MDGA2: variants seen among roughly 807,000 people sequenced by gnomAD.
MDGA2 encodes the protein MAM domain-containing glycosylphosphatidylinositol anchor protein 2.
A neutral mutation model predicts 117.8 loss-of-function variants in MDGA2; 40 were observed. The observed-to-expected ratio is 0.34, with a 90% CI of 0.26 to 0.44. The LOEUF is 0.44. Ranked by LOEUF, MDGA2 falls within the 20% of genes least tolerant of loss-of-function variation. MDGA2 has a pLI of 1.00. For synonymous variants in MDGA2, 452 were observed against 439.0 expected, an observed-to-expected ratio of 1.03 and a Z score of -0.37; for missense variants, 1,123 against 1,250.6, an observed-to-expected ratio of 0.90 and a Z score of 1.54.
At chr14:46,931,380 C>G (rs1228024857) in intron 9 of MDGA2, among the ~76,000 whole-genome samples, 1 of 151,862 alleles carries the variant, frequency 6.6e-6, no homozygotes, top group African/African-American at 2.4e-5. Context: ...TTAATATTAT[C>G]AGGGAAAATA....
At position 47,601,966 on chromosome 14, in the gene MDGA2, G is replaced by A. The variant is rs564347900; in HGVS notation, c.280+72551C>T. On this transcript the variant is annotated intron_variant, in intron 1 of 16. Coordinates refer to ENST00000399232, the MANE Select transcript of MDGA2 (RefSeq NM_001113498.3). ...GATTTAGGCTTATTTTCCTGGAGTC[G>A]CTATGCACTGTTTTATGTATGGCTA... Among the ~76,000 whole-genome samples the A allele has an allele frequency of 5.9e-5, 9 of 152,144 alleles. No individual in the cohort carries two copies. In the South Asian group the frequency reaches 1.7e-3, roughly 28 times the overall value.
At chr14:47,388,133 G>GT (rs56398877) in intron 1 of MDGA2, among the ~76,000 whole-genome samples, 149,436 of 152,250 alleles carry the variant, frequency 0.98, 73,396 homozygotes, top group East Asian at 1. Flanking sequence ...TGTCTTTATT[G>GT]TTTTGATTAT....
At chr14:46,989,707 T>C (rs1887009259) in intron 8 of MDGA2, among the ~76,000 whole-genome samples, 1 of 152,088 alleles carries the variant, frequency 6.6e-6, no homozygotes. Flanking sequence ...TTGAACTATA[T>C]ACAGGCACTT....
At chr14:47,205,787 T>G (rs1161418468) in intron 3 of MDGA2, among the ~76,000 whole-genome samples, 1 of 152,008 alleles carries the variant, frequency 6.6e-6, no homozygotes, top group Non-Finnish European at 1.5e-5. Flanking sequence ...GCTTAGCATT[T>G]CAGCTACTAC....
intron 1 of MDGA2, among the ~76,000 whole-genome samples, chr14:47,524,787 T>C (rs534857390): frequency 1.3e-5 from 2 of 152,320 alleles, no homozygotes; most frequent in South Asian, 4.1e-4. Flanking sequence ...GTAGCTCCAA[T>C]GCCTGTGAGG....
intron 2 of MDGA2, among the ~76,000 whole-genome samples, chr14:47,272,769 A>AT (rs1311628692): frequency 3.3e-5 from 5 of 152,196 alleles, no homozygotes; most frequent in Non-Finnish European, 5.9e-5. Flanking sequence ...TTTTCATCAC[A>AT]CCAGTGTGTT....
Position 47,318,389 on chromosome 14 carries a change from G to A in MDGA2, c.281-16839C>T, listed in dbSNP as rs200492966. Among the ~76,000 whole-genome samples the A allele has an allele frequency of 3.9e-5, 6 of 152,016 alleles. No homozygotes were observed. The East Asian group carries it at 1.2e-3, about 29-fold the overall frequency. Reference sequence around the variant, plus strand: ...CATGCATGTTGTTCTCCCTAGTTTCGAAGTCCTTTCCACTAATCTAATTGC... The same window carrying A: ...CATGCATGTTGTTCTCCCTAGTTTCAAAGTCCTTTCCACTAATCTAATTGC... On this transcript the variant is annotated intron_variant, in intron 1 of 16. Transcript: ENST00000399232.
intron 14 of MDGA2, among the ~76,000 whole-genome samples, chr14:46,863,622 A>G (rs1298856563): frequency 6.6e-6 from 1 of 152,202 alleles, no homozygotes; most frequent in East Asian, 1.9e-4. Context: ...ATTGTCTATT[A>G]ATTATACTGA....
At chr14:47,639,485 AC>A (rs1232201364) in intron 1 of MDGA2, among the ~76,000 whole-genome samples, 1 of 152,102 alleles carries the variant, frequency 6.6e-6, no homozygotes, top group African/African-American at 2.4e-5. Flanking sequence ...CCTTGCTTTT[AC>A]AGTTACTCAT....
At chr14:47,416,317 G>A (rs537593522) in intron 1 of MDGA2, among the ~76,000 whole-genome samples, 2 of 152,242 alleles carry the variant, frequency 1.3e-5, no homozygotes, top group East Asian at 3.9e-4. Flanking sequence ...TAGGAAAGAT[G>A]TAAGGGATTA....
At chr14:46,867,953 G>T (rs1595007221) in intron 14 of MDGA2, among the ~76,000 whole-genome samples, 1 of 151,234 alleles carries the variant, frequency 6.6e-6, no homozygotes, top group Middle Eastern at 3.6e-3. Flanking sequence ...AATCTATAAT[G>T]TCTTAATGAA....
At chr14:46,878,975 T>G (rs1213812705) in intron 11 of MDGA2, among the ~76,000 whole-genome samples, 1 of 152,070 alleles carries the variant, frequency 6.6e-6, no homozygotes, top group Non-Finnish European at 1.5e-5. Flanking sequence ...TGCACAAACT[T>G]CTAAATAGTT....
chr14:47,596,351 A>G (rs766021009), intron 1 of MDGA2, among the ~76,000 whole-genome samples: 2 of 152,224 alleles, frequency 1.3e-5, no homozygotes, highest in Non-Finnish European at 2.9e-5. Flanking sequence ...ACCTGAAAAC[A>G]GATAAAGATT....
chr14:47,236,561 C>T (rs1886872290), intron 2 of MDGA2, among the ~76,000 whole-genome samples: 1 of 152,094 alleles, frequency 6.6e-6, no homozygotes, highest in Non-Finnish European at 1.5e-5. Context: ...CCTGATTTTG[C>T]TAGTGATGTC....
chr14:47,519,847 G>C (rs1228835215), intron 1 of MDGA2, among the ~76,000 whole-genome samples: 1 of 152,114 alleles, frequency 6.6e-6, no homozygotes, highest in Non-Finnish European at 1.5e-5. Context: ...GATAAACCAA[G>C]AGTCCAAAGA....
chr14:47,012,158 T>C (rs990133627), intron 8 of MDGA2, among the ~76,000 whole-genome samples: 1 of 152,130 alleles, frequency 6.6e-6, no homozygotes, highest in South Asian at 2.1e-4. Flanking sequence ...AATCAAAGAT[T>C]GGTATAAAGG....
At chr14:47,331,447 G>C (rs1242142850) in intron 1 of MDGA2, among the ~76,000 whole-genome samples, 1 of 151,900 alleles carries the variant, frequency 6.6e-6, no homozygotes, top group Non-Finnish European at 1.5e-5. Flanking sequence ...GTAGAAACTA[G>C]TATTTTAATC....
chr14:46,850,667 AAG>A (rs1250478723), intron 15 of MDGA2, among the ~76,000 whole-genome samples: 10 of 151,882 alleles, frequency 6.6e-5, no homozygotes, highest in African/African-American at 2.2e-4. Context: ...AACAAATTTG[AAG>A]AGAGACAGCA....
chr14:47,084,084 G>A (rs1384733501), intron 6 of MDGA2, among the ~76,000 whole-genome samples: 1 of 151,986 alleles, frequency 6.6e-6, no homozygotes, highest in African/African-American at 2.4e-5. Context: ...AACATTTATC[G>A]AGCATTATCC....
Sources: gnomAD v4.1 joint callset for allele counts (sites outside exome capture counted in the v4.1 genomes callset) on GRCh38, gnomAD v4.1.1 for gene constraint, MANE v1.5 for transcripts, NCBI Gene and HGNC (gene_info 2026-07-23, HGNC 2026-07-21) for gene names.